Variants in ANKRD30B observed in about 807,000 individuals in gnomAD.
The protein encoded by ANKRD30B is ankyrin repeat domain 30B.
In ANKRD30B, 144 loss-of-function variants were observed where a neutral mutation model predicts 202.2. The ratio of observed to expected loss-of-function variants is 0.71; its 90% confidence interval spans 0.62 to 0.82. ANKRD30B has a LOEUF of 0.82. Among genes scored for constraint, ANKRD30B ranks in the 40% least tolerant of loss-of-function variants. The probability of loss-of-function intolerance (pLI) is 0.00; values close to 1 mark genes in which losing one functional copy is unlikely to be tolerated. For synonymous variants in ANKRD30B, 508 were observed against 561.3 expected (o/e 0.91, Z 1.34); for missense variants, 1,487 against 1,669.1 (o/e 0.89, Z 1.90).
At chr18:14,841,101 C>T (rs1261925716) in intron 37 of ANKRD30B, among the ~76,000 whole-genome samples, 2 of 152,162 alleles carry the variant, frequency 1.3e-5, no homozygotes, top group African/African-American at 4.8e-5. Context: ...AGAATTACAG[C>T]AAACATGTTG....
chr18:14,827,624 A>G (rs1361992861), intron 32 of ANKRD30B, among the ~76,000 whole-genome samples: 1 of 152,134 alleles, frequency 6.6e-6, no homozygotes, highest in Non-Finnish European at 1.5e-5. Context: ...AGCAGAGGGA[A>G]ATCATGTTGT....
chr18:14,894,625 C>A, the ANKRD30B span, among the ~76,000 whole-genome samples: 1 of 151,750 alleles, frequency 6.6e-6, no homozygotes, highest in Non-Finnish European at 1.5e-5. Context: ...ATCAAGTATA[C>A]CCTCTTCGGC....
At chr18:14,900,312 G>T in the ANKRD30B span, among the ~76,000 whole-genome samples, 1 of 152,088 alleles carries the variant, frequency 6.6e-6, no homozygotes, top group Non-Finnish European at 1.5e-5. Context: ...TGGCAAATTT[G>T]GGAAATGTCT....
intron 3 of ANKRD30B, among the ~76,000 whole-genome samples, chr18:14,754,127 G>T (rs1337481565): frequency 6.6e-6 from 1 of 152,110 alleles, no homozygotes; most frequent in Middle Eastern, 3.2e-3. Context: ...AGCAGTCAAA[G>T]TTCATTTGAA....
the ANKRD30B span, among the ~76,000 whole-genome samples, chr18:14,927,583 T>C: frequency 6.6e-6 from 1 of 152,228 alleles, no homozygotes; most frequent in African/African-American, 2.4e-5. Context: ...AAATTGCAGA[T>C]GAAGCAAAGC....
intron 34 of ANKRD30B, among the ~76,000 whole-genome samples, chr18:14,832,168 A>G (rs1378801656): frequency 9.2e-5 from 14 of 152,210 alleles, no homozygotes; most frequent in Non-Finnish European, 2.1e-4. Context: ...GTTTGAGACC[A>G]GTGTGGGCAC....
At chr18:14,878,099 C>T in the ANKRD30B span, among the ~76,000 whole-genome samples, 1 of 152,156 alleles carries the variant, frequency 6.6e-6, no homozygotes, top group South Asian at 2.1e-4. Flanking sequence ...AATAGGGTGT[C>T]AGGAGAGGTC....
At position 14,748,326 on chromosome 18, in the gene ANKRD30B, C is replaced by A; in HGVS notation, c.-94C>A. 2 of 1,073,348 alleles carry A rather than the reference C, an allele frequency of 1.9e-6. No individual in the cohort carries two copies. The highest frequency in any genetic ancestry group is 2.5e-6 in the Non-Finnish European group (2 of 789,176). 66.5% of individuals were successfully genotyped at this position (1,073,348 alleles called of 1,614,324 possible). On this transcript the variant is annotated 5_prime_UTR_variant, in exon 1 of 44. The change creates a new upstream start codon in the 5' untranslated region. Transcript: ENST00000690538. ...GGCGAGTGCGAGCCGGGGGCGGGTG[C>A]TGGGGAAGGGTAAGCGGGAAGCGAG...
At chr18:14,819,774 T>G (rs1362939919) in intron 30 of ANKRD30B, among the ~76,000 whole-genome samples, 1 of 152,172 alleles carries the variant, frequency 6.6e-6, no homozygotes, top group Non-Finnish European at 1.5e-5. Context: ...AGCCTTGTAG[T>G]ATAGTTTGAA....
the ANKRD30B span, among the ~76,000 whole-genome samples, chr18:14,916,290 G>C: frequency 6.6e-6 from 1 of 152,216 alleles, no homozygotes; most frequent in African/African-American, 2.4e-5. Flanking sequence ...TCAGGGAGGG[G>C]GCAGATGTGT....
chr18:14,922,360 A>G, the ANKRD30B span, among the ~76,000 whole-genome samples: 2 of 152,146 alleles, frequency 1.3e-5, no homozygotes, highest in Non-Finnish European at 2.9e-5. Context: ...CATAAACTTG[A>G]AAGTCTAGGT....
intron 32 of ANKRD30B, among the ~76,000 whole-genome samples, chr18:14,823,888 T>C (rs760544504): frequency 1.3e-5 from 2 of 152,106 alleles, no homozygotes; most frequent in Admixed American, 6.5e-5. Flanking sequence ...GGCAGGAGAA[T>C]TGCTTGAACC....
chr18:14,917,421 G>A, the ANKRD30B span, among the ~76,000 whole-genome samples: 3 of 151,854 alleles, frequency 2.0e-5, no homozygotes, highest in African/African-American at 4.8e-5. Context: ...CTGTCTATCT[G>A]CGCTTCTCTT....
At chr18:14,809,796 C>T (rs955500113) in intron 26 of ANKRD30B, among the ~76,000 whole-genome samples, 190 bp from the exon 27 acceptor site, 1 of 150,950 alleles carries the variant, frequency 6.6e-6, no homozygotes, top group African/African-American at 2.4e-5. Context: ...CATTCCATAG[C>T]AATAGTTTCA....
chr18:14,913,766 C>G, the ANKRD30B span, among the ~76,000 whole-genome samples: 2,229 of 152,232 alleles, frequency 0.015, 64 homozygotes, highest in African/African-American at 0.052. Context: ...TCCAAGGTCC[C>G]TTGGACCCCA....
the ANKRD30B span, among the ~76,000 whole-genome samples, chr18:14,930,903 C>T: frequency 2.0e-5 from 3 of 152,206 alleles, no homozygotes; most frequent in South Asian, 4.1e-4. Flanking sequence ...GAGTTTGGTG[C>T]TGGCCTCACT....
At position 14,810,561 on chromosome 18, in the gene ANKRD30B, A is replaced by T. The variant is rs528694564; in HGVS notation, c.2488+381A>T. 2.9e-4 allele frequency among the ~76,000 whole-genome samples: 44 copies of T among 151,198 alleles called. 3 individuals carry two copies. Among genetic ancestry groups the T allele is most frequent in the African/African-American group, 1.1e-3 (43 of 40,952 alleles). ...GGAAAGTTTCACTTGCTGACGTGAC[A>T]GTTGTGAGTGTTGTCATTCTGAGAA... On this transcript the variant is annotated intron_variant, in intron 28 of 43. Transcript: ENST00000690538.
intron 15 of ANKRD30B, among the ~76,000 whole-genome samples, chr18:14,788,330 A>G (rs1001890777): frequency 1.3e-5 from 2 of 152,216 alleles, no homozygotes; most frequent in Non-Finnish European, 2.9e-5. Context: ...TAACCAAGTT[A>G]ATGGCCACAT....
At chr18:14,879,010 T>TGGGC in the ANKRD30B span, among the ~76,000 whole-genome samples, 1 of 152,100 alleles carries the variant, frequency 6.6e-6, no homozygotes, top group African/African-American at 2.4e-5. Context: ...AGCACAGACC[T>TGGGC]GGGCAGGCAG....
Sources: gnomAD v4.1 joint callset for allele counts (sites outside exome capture counted in the v4.1 genomes callset) on GRCh38, gnomAD v4.1.1 for gene constraint, MANE v1.5 for transcripts, NCBI Gene and HGNC (gene_info 2026-07-23, HGNC 2026-07-21) for gene names.